Variants in MYLK observed in about 807,000 individuals in gnomAD.
MYLK encodes the protein myosin light chain kinase, smooth muscle.
MYLK carries 106 observed loss-of-function variants against 203.4 expected under a neutral mutation model. The ratio of observed to expected loss-of-function variants is 0.52; its 90% CI spans 0.45 to 0.61. MYLK has a LOEUF of 0.61. Ranked by LOEUF, MYLK falls within the 20% of genes least tolerant of loss-of-function variation. The probability of loss-of-function intolerance (pLI) is 0.00; values close to 1 mark genes in which losing one functional copy is unlikely to be tolerated. For synonymous variants in MYLK, 867 were observed against 959.5 expected, an observed-to-expected ratio of 0.90 and a Z score of 1.78; for missense variants, 2,072 against 2,442.3, an observed-to-expected ratio of 0.85 and a Z score of 3.20.
chr3:123,684,304 C>T (rs1358390579), intron 19 of MYLK, among the ~76,000 whole-genome samples: 2 of 152,118 alleles, frequency 1.3e-5, no homozygotes, highest in African/African-American at 4.8e-5. Flanking sequence ...CAGAAAACTC[C>T]TCGTCTCTCC....
chr3:123,794,248 A>T (rs1187617824), intron 3 of MYLK, among the ~76,000 whole-genome samples: 1 of 152,210 alleles, frequency 6.6e-6, no homozygotes, highest in African/African-American at 2.4e-5. Flanking sequence ...TACATTAAGC[A>T]CTTCTGGCAG....
At chr3:123,810,468 C>A (rs528948087) in intron 3 of MYLK, among the ~76,000 whole-genome samples, 656 of 152,302 alleles carry the variant, frequency 4.3e-3, no homozygotes, top group Non-Finnish European at 7.4e-3. Flanking sequence ...AGGCTTGGGC[C>A]GGCCCACTGT....
intron 11 of MYLK, among the ~76,000 whole-genome samples, chr3:123,731,404 CATGTGTGTACACAGAT>C (rs2062469705): frequency 6.6e-6 from 1 of 152,188 alleles, no homozygotes; most frequent in Admixed American, 6.5e-5. Flanking sequence ...GCATCTTTTG[CATGTGTGTACACAGAT>C]CTTTTCTTCC....
intron 16 of MYLK, among the ~76,000 whole-genome samples, chr3:123,701,783 T>C (rs1003999412): frequency 6.6e-6 from 1 of 152,216 alleles, no homozygotes; most frequent in Non-Finnish European, 1.5e-5. Flanking sequence ...TTTCTGTAAG[T>C]ATATAATATA....
At chr3:123,829,437 T>TGGGAAGGGTAGG (rs1362860494) in intron 3 of MYLK, among the ~76,000 whole-genome samples, 1 of 151,918 alleles carries the variant, frequency 6.6e-6, no homozygotes, top group Non-Finnish European at 1.5e-5. Context: ...TACTAGAGGC[T>TGGGAAGGGTAGG]GGGAAGGGTA....
intron 29 of MYLK, among the ~76,000 whole-genome samples, chr3:123,636,761 A>T (rs1559996391): frequency 6.6e-6 from 1 of 152,192 alleles, no homozygotes; most frequent in African/African-American, 2.4e-5. Context: ...AGGCAGGGAA[A>T]TGCACACCTG....
At chr3:123,759,461 G>A (rs1435338532) in intron 4 of MYLK, among the ~76,000 whole-genome samples, 1 of 152,204 alleles carries the variant, frequency 6.6e-6, no homozygotes, top group Non-Finnish European at 1.5e-5. Context: ...TGGCATTGCA[G>A]AGGTTTAACA....
intron 2 of MYLK, among the ~76,000 whole-genome samples, chr3:123,844,369 A>C (rs1165630185): frequency 6.6e-6 from 1 of 152,162 alleles, no homozygotes; most frequent in Non-Finnish European, 1.5e-5. Flanking sequence ...AACCTGTCCT[A>C]GGCTAGCTGC....
intron 4 of MYLK, among the ~76,000 whole-genome samples, chr3:123,762,637 AAGGTGTGGCTC>A (rs2063571886): frequency 6.6e-6 from 1 of 152,198 alleles, no homozygotes; most frequent in Non-Finnish European, 1.5e-5. Flanking sequence ...ACAGCATTAG[AAGGTGTGGCTC>A]AGGTGTGGCT....
chr3:123,879,760 G>A (rs1223642500), intron 1 of MYLK, among the ~76,000 whole-genome samples: 3 of 152,060 alleles, frequency 2.0e-5, no homozygotes, highest in African/African-American at 7.2e-5. Flanking sequence ...TCAGCCTCCC[G>A]AGTTGCTGGG....
At chr3:123,808,440 G>T (rs1320479663) in intron 3 of MYLK, among the ~76,000 whole-genome samples, 2 of 145,632 alleles carry the variant, frequency 1.4e-5, no homozygotes, top group African/African-American at 4.9e-5. Flanking sequence ...TTTACTCAAA[G>T]ATTTGGGTGA....
intron 3 of MYLK, among the ~76,000 whole-genome samples, chr3:123,810,472 CCACTGTGTCAGGGTTCAGCCCT>C (rs1333023100): frequency 6.6e-6 from 1 of 152,198 alleles, no homozygotes; most frequent in Admixed American, 6.5e-5. Flanking sequence ...TTGGGCCGGC[CCACTGTGTCAGGGTTCAGCCCT>C]CTCTGCTTCA....
At chr3:123,663,131 T>C (rs531246926) in intron 23 of MYLK, among the ~76,000 whole-genome samples, 2 of 152,284 alleles carry the variant, frequency 1.3e-5, no homozygotes, top group South Asian at 4.1e-4. Context: ...CCCAAGCACC[T>C]GCCACACGGG....
chr3:123,775,749 G>C (rs1368270787), intron 4 of MYLK, among the ~76,000 whole-genome samples: 3 of 152,232 alleles, frequency 2.0e-5, no homozygotes, highest in Non-Finnish European at 4.4e-5. Flanking sequence ...ATTCGACCCT[G>C]TGTGGCTGGA....
intron 24 of MYLK, among the ~76,000 whole-genome samples, chr3:123,652,933 C>G (rs1378287873): frequency 6.6e-6 from 1 of 152,146 alleles, no homozygotes; most frequent in African/African-American, 2.4e-5. Flanking sequence ...TGCTTTGTCC[C>G]CCAGTGTATC....
chr3:123,834,297 C>T (rs866810201), intron 2 of MYLK, among the ~76,000 whole-genome samples: 35 of 152,276 alleles, frequency 2.3e-4, no homozygotes, highest in Middle Eastern at 3.4e-3. Flanking sequence ...CCACATGCCT[C>T]GGCCTCCCAA....
At chr3:123,746,828 C>T (rs2108852143) in intron 5 of MYLK, among the ~76,000 whole-genome samples, 1 of 152,136 alleles carries the variant, frequency 6.6e-6, no homozygotes, top group East Asian at 1.9e-4. Context: ...GGTATATACC[C>T]CTAGAAAATG....
At chr3:123,781,504 AG>A (rs1206318770) in intron 4 of MYLK, among the ~76,000 whole-genome samples, 1 of 152,160 alleles carries the variant, frequency 6.6e-6, no homozygotes, top group African/African-American at 2.4e-5. Context: ...CAAATGGGAG[AG>A]GGGGTAACTA....
At chr3:123,736,690 T>G (rs528926366) in intron 8 of MYLK, among the ~76,000 whole-genome samples, 5 of 152,124 alleles carry the variant, frequency 3.3e-5, no homozygotes, top group Admixed American at 6.5e-5. Context: ...ATCGCCTGAC[T>G]TGAAAGACAG....
Sources: allele counts gnomAD v4.1 joint callset (sites outside exome capture counted in the v4.1 genomes callset), GRCh38; gene constraint gnomAD v4.1.1; transcripts MANE v1.5; gene names NCBI Gene and HGNC (gene_info 2026-07-23, HGNC 2026-07-21).